ALCAM: variants seen among roughly 807,000 people sequenced by gnomAD.
ALCAM encodes the protein CD166 antigen.
ALCAM carries 30 observed loss-of-function variants against 70.9 expected under a neutral mutation model. The observed-to-expected ratio is 0.42, with a 90% confidence interval of 0.32 to 0.57. The LOEUF is 0.57. Ranked by LOEUF, ALCAM falls within the 20% of genes least tolerant of loss-of-function variation. ALCAM has a pLI of 0.11. For missense variants in ALCAM, 591 were observed against 695.1 expected, an observed-to-expected ratio of 0.85 and a Z score of 1.68; for synonymous variants, 249 against 242.5, an observed-to-expected ratio of 1.03 and a Z score of -0.25.
intron 1 of ALCAM, among the ~76,000 whole-genome samples, chr3:105,508,985 G>C (rs1008184489): frequency 2.0e-5 from 3 of 151,946 alleles, no homozygotes; most frequent in Non-Finnish European, 2.9e-5. Context: ...GTCTTTCTTT[G>C]GCTTATTTCA....
In ALCAM at chr3:105,554,173, C is replaced by G. The variant is rs545874316; in HGVS notation, c.1664+1588C>G. Among the ~76,000 whole-genome samples the G allele has an allele frequency of 9.2e-5, 14 of 151,970 alleles. No individual in the cohort carries two copies. In the South Asian group the frequency reaches 2.7e-3, roughly 29 times the overall value. On this transcript the variant is annotated intron_variant, in intron 14 of 15. Coordinates refer to ENST00000306107, the MANE Select transcript of ALCAM (RefSeq NM_001627.4). The stretch of plus-strand genomic sequence containing the variant: ...TACGGAGGCTGAGAAGTACCAAAAT[C>G]TGCAGGCAGGAAGCTGGAGACACAG...
At chr3:105,529,047 A>G (rs1471989076) in intron 3 of ALCAM, among the ~76,000 whole-genome samples, 1 of 152,212 alleles carries the variant, frequency 6.6e-6, no homozygotes, top group East Asian at 1.9e-4. Context: ...TATCAGATTT[A>G]GAATAAACAC....
intron 1 of ALCAM, among the ~76,000 whole-genome samples, chr3:105,467,388 CTTTAACCTAGAAATGTCTCT>C (rs1485007345): frequency 6.6e-6 from 1 of 151,010 alleles, no homozygotes; most frequent in African/African-American, 2.4e-5. Context: ...GATTGATCTT[CTTTAACCTAGAAATGTCTCT>C]GCGTGGATTG....
intron 1 of ALCAM, among the ~76,000 whole-genome samples, chr3:105,388,360 A>C: frequency 6.6e-6 from 1 of 151,618 alleles, no homozygotes; most frequent in East Asian, 1.9e-4. Flanking sequence ...CAACAAAAAC[A>C]AAACAGCATG....
chr3:105,575,266 A>C lies in ALCAM; in HGVS notation c.*815A>C, dbSNP rs1350246282. Reference sequence around the variant, plus strand: ...CATGTGTGAGAGACAGTTTGGAAAAATCATGGTCAACATTCCCATTTTCAT... The same window carrying C: ...CATGTGTGAGAGACAGTTTGGAAAACTCATGGTCAACATTCCCATTTTCAT... On this transcript the variant is annotated 3_prime_UTR_variant, in exon 16 of 16. Transcript: ENST00000306107. 6.6e-6 allele frequency: 1 copy of C among 152,602 alleles called. No homozygotes were observed. The highest frequency in any genetic ancestry group is 1.5e-5 in the Non-Finnish European group (1 of 68,018). The allele number at this position is 152,602 out of a possible 1,614,324, so 9.5% of individuals were successfully genotyped here.
intron 14 of ALCAM, among the ~76,000 whole-genome samples, chr3:105,569,985 G>T (rs1263924127): frequency 1.3e-5 from 2 of 152,074 alleles, no homozygotes; most frequent in Non-Finnish European, 2.9e-5. Flanking sequence ...TCCAACAAAA[G>T]TCAATAACCT....
At chr3:105,533,765 T>C in intron 5 of ALCAM, 75 bp downstream of exon 5, 1 of 1,408,942 alleles carries the variant, frequency 7.1e-7, no homozygotes, top group Non-Finnish European at 9.9e-7. Context: ...AGGTATTCTT[T>C]AAACCAGTGG....
chr3:105,574,053 A>G (rs1940912816), intron 15 of ALCAM, among the ~76,000 whole-genome samples: 1 of 152,088 alleles, frequency 6.6e-6, no homozygotes, highest in South Asian at 2.1e-4. Flanking sequence ...TGTTTTTTCC[A>G]CTTCTCTAGG....
At chr3:105,455,843 A>C (rs1392837156) in intron 1 of ALCAM, among the ~76,000 whole-genome samples, 5 of 152,158 alleles carry the variant, frequency 3.3e-5, no homozygotes, top group East Asian at 1.9e-4. Flanking sequence ...TAATCCTAGC[A>C]CTTTGGAAGG....
chr3:105,401,193 G>T (rs937505351), intron 1 of ALCAM, among the ~76,000 whole-genome samples: 1 of 152,186 alleles, frequency 6.6e-6, no homozygotes, highest in African/African-American at 2.4e-5. Context: ...CCACACCTTA[G>T]TAGCTGATGA....
At chr3:105,525,307 T>A in intron 3 of ALCAM, 1 of 981,692 alleles carries the variant, frequency 1.0e-6, no homozygotes, top group Non-Finnish European at 1.2e-6. Flanking sequence ...TAGCATATAG[T>A]TAATGTTACT....
chr3:105,394,749 A>G (rs914255769), intron 1 of ALCAM, among the ~76,000 whole-genome samples: 6 of 152,096 alleles, frequency 3.9e-5, no homozygotes, highest in Middle Eastern at 3.4e-3. Context: ...AAAATTGTTT[A>G]GGCAGAAAGG....
intron 1 of ALCAM, among the ~76,000 whole-genome samples, chr3:105,473,773 C>T (rs528856594): frequency 6.6e-6 from 1 of 151,670 alleles, no homozygotes; most frequent in Admixed American, 6.6e-5. Context: ...ATGGCACATT[C>T]CATCTTCTAC....
At chr3:105,443,795 T>C (rs968448799) in intron 1 of ALCAM, among the ~76,000 whole-genome samples, 76 of 152,218 alleles carry the variant, frequency 5.0e-4, no homozygotes, top group East Asian at 3.8e-4. Flanking sequence ...TTGAACTGAA[T>C]TCAAAACTCT....
intron 1 of ALCAM, among the ~76,000 whole-genome samples, chr3:105,501,288 T>C (rs1436248720): frequency 6.6e-6 from 1 of 152,178 alleles, no homozygotes; most frequent in East Asian, 1.9e-4. Context: ...TTTAGTATAT[T>C]GGCAAGTCGG....
intron 1 of ALCAM, among the ~76,000 whole-genome samples, chr3:105,488,930 A>G (rs1346775606): frequency 6.6e-6 from 1 of 152,192 alleles, no homozygotes; most frequent in Non-Finnish European, 1.5e-5. Context: ...AGGATTTAGG[A>G]ACTTATGATT....
intron 8 of ALCAM, 136 bp from the exon 9 acceptor site, chr3:105,545,087 T>C: frequency 3.0e-6 from 2 of 664,658 alleles, no homozygotes; most frequent in Admixed American, 2.1e-5. Flanking sequence ...TCCAATTATT[T>C]TAGTCATATA....
chr3:105,556,732 G>T (rs1371770786), intron 14 of ALCAM, among the ~76,000 whole-genome samples: 1 of 151,896 alleles, frequency 6.6e-6, no homozygotes. Flanking sequence ...CAAAAAAGTT[G>T]ATTTTAACTG....
At chr3:105,393,257 T>C (rs1319847256) in intron 1 of ALCAM, among the ~76,000 whole-genome samples, 1 of 151,780 alleles carries the variant, frequency 6.6e-6, no homozygotes, top group Non-Finnish European at 1.5e-5. Context: ...TCTTGATTGA[T>C]GTTTTGAAGT....
Sources: allele counts gnomAD v4.1 joint callset (sites outside exome capture counted in the v4.1 genomes callset), GRCh38; gene constraint gnomAD v4.1.1; transcripts MANE v1.5; gene names NCBI Gene and HGNC (gene_info 2026-07-23, HGNC 2026-07-21).